Variants in MYO1E observed in about 807,000 individuals in gnomAD.
MYO1E encodes myosin IE, also known as unconventional myosin-Ie.
A neutral mutation model predicts 151.1 loss-of-function variants in MYO1E; 68 were observed. The ratio of observed to expected loss-of-function variants is 0.45; its 90% CI spans 0.37 to 0.55. The LOEUF is 0.55. MYO1E is among the 20% of genes least tolerant of loss of function. MYO1E has a pLI of 0.00. For missense variants in MYO1E, 1,363 were observed against 1,389.3 expected (o/e 0.98, Z 0.30); for synonymous variants, 601 against 501.7 (o/e 1.20, Z -2.64).
intron 16 of MYO1E, among the ~76,000 whole-genome samples, chr15:59,199,840 T>C (rs1330146095): frequency 1.3e-5 from 2 of 152,200 alleles, no homozygotes; most frequent in African/African-American, 4.8e-5. Context: ...ACTGTAGATA[T>C]GGAACGTATC....
chr15:59,153,637 C>A lies in MYO1E; in HGVS notation c.3033G>T (p.Thr1011=). 1 of 1,614,134 alleles carries A rather than the reference C, an allele frequency of 6.2e-7. No individual in the cohort carries two copies. Among genetic ancestry groups the A allele is most frequent in the Non-Finnish European group, 8.5e-7 (1 of 1,180,020 alleles). ...QSTSSDRVSQ[T]PESLDFLKVP... is the part of the protein sequence containing the mutation. The stretch of plus-strand genomic sequence containing the variant: ...CCTTGAGGAAATCCAGGCTCTCTGG[C>A]GTCTGTGACACTCGGTCTGAACTGG... The change falls in exon 26 of 28, where the codon ACG becomes ACT. Residue 1011 remains threonine, a synonymous_variant. Coordinates refer to ENST00000288235, the MANE Select transcript of MYO1E (RefSeq NM_004998.4).
chr15:59,268,901 T>C (rs2080273899), intron 2 of MYO1E, among the ~76,000 whole-genome samples: 1 of 151,766 alleles, frequency 6.6e-6, no homozygotes, highest in Non-Finnish European at 1.5e-5. Flanking sequence ...CCTGGAGTTA[T>C]GAAGGACTGA....
At position 59,372,502 on chromosome 15, in the gene MYO1E, G is replaced by A. The variant is rs573448797; in HGVS notation, c.-2C>T. On this transcript the variant is annotated 5_prime_UTR_variant, in exon 1 of 28. Transcript: ENST00000288235. ...GACGCGGCGCGGCCAACTCACCATG[G>A]TGACTCGCGCCGCGGTCGCGTCTTC... 3.9e-6 allele frequency: 6 copies of A among 1,537,748 alleles called. No individual in the cohort carries two copies. The highest frequency in any genetic ancestry group is 2.0e-5 in the Admixed American group (1 of 50,844).
At position 59,188,003 on chromosome 15, in the gene MYO1E, CTG is replaced by C. The variant is rs567920580; in HGVS notation, c.1904+113_1904+114del. On this transcript the variant is annotated intron_variant, in intron 18 of 27. Transcript: ENST00000288235. Reference sequence around the variant, plus strand: ...TAACGGTGGTGATAGTTGCACAACTCTGTGAATACGTTAAAAGCCATTGACTC... The same window carrying C: ...TAACGGTGGTGATAGTTGCACAACTCTGAATACGTTAAAAGCCATTGACTC... 4.9e-4 allele frequency: 398 copies of C among 816,806 alleles called. 6 individuals carry two copies. In the South Asian group the frequency reaches 5.0e-3, roughly 10 times the overall value. The allele number at this position is 816,806 out of a possible 1,614,324, so 50.6% of individuals were successfully genotyped here. A position where few individuals can be genotyped will look rare whatever the true frequency, so the allele number is the denominator to read the frequency against.
Position 59,310,643 on chromosome 15 carries a change from G to A in MYO1E, c.4-38194C>T, listed in dbSNP as rs114416743. On this transcript the variant is annotated intron_variant, in intron 1 of 27. Transcript: ENST00000288235. ...ATGCTGATTTTGAATCCTAGCCTTC[G>A]GAATTGTGAGAACACATTTCTGTTG... Among the ~76,000 whole-genome samples, 379 of 152,094 alleles carry A rather than the reference G, an allele frequency of 2.5e-3. 1 individual carries two copies. The highest frequency in any genetic ancestry group is 8.2e-3 in the African/African-American group (342 of 41,498).
At position 59,153,800 on chromosome 15, in the gene MYO1E, A is replaced by G; in HGVS notation, c.2879-9T>C. ...TCCGTTCTGATGGTATCCTAGAGAGAGGAACAGAGAAGGAAATAAGGCTCA... is the reference window on the plus strand; with the variant it reads ...TCCGTTCTGATGGTATCCTAGAGAGGGGAACAGAGAAGGAAATAAGGCTCA... On this transcript the variant is annotated splice_polypyrimidine_tract_variant and intron_variant, in intron 25 of 27. Coordinates refer to ENST00000288235, the MANE Select transcript of MYO1E (RefSeq NM_004998.4). The G allele has an allele frequency of 2.5e-6, 4 of 1,609,716 alleles. No homozygotes were observed. The highest frequency in any genetic ancestry group is 3.4e-6 in the Non-Finnish European group (4 of 1,176,026).
chr15:59,199,883 G>A (rs1231542632), intron 16 of MYO1E, among the ~76,000 whole-genome samples: 1 of 152,196 alleles, frequency 6.6e-6, no homozygotes, highest in Non-Finnish European at 1.5e-5. Flanking sequence ...ATCTGTAAGA[G>A]GTACTGGGAG....
chr15:59,201,389 T>C (rs1224369907), intron 16 of MYO1E, among the ~76,000 whole-genome samples: 1 of 148,374 alleles, frequency 6.7e-6, no homozygotes, highest in Non-Finnish European at 1.5e-5. Context: ...CCACTACATC[T>C]GGCTGACACA....
At chr15:59,198,950 C>T (rs2079784747) in intron 16 of MYO1E, among the ~76,000 whole-genome samples, 1 of 152,154 alleles carries the variant, frequency 6.6e-6, no homozygotes, top group African/African-American at 2.4e-5. Flanking sequence ...AGCCAGTCTG[C>T]CTTTGCCACC....
chr15:59,326,094 C>A (rs1271277558), intron 1 of MYO1E, among the ~76,000 whole-genome samples: 3 of 152,034 alleles, frequency 2.0e-5, no homozygotes, highest in African/African-American at 7.3e-5. Context: ...AGGTTCAGTT[C>A]CTCTTCCATT....
intron 1 of MYO1E, among the ~76,000 whole-genome samples, chr15:59,283,482 T>C (rs965312131): frequency 6.6e-6 from 1 of 152,198 alleles, no homozygotes; most frequent in Admixed American, 6.5e-5. Context: ...CCTGGCTCCC[T>C]GATTAAACTG....
chr15:59,236,268 G>A (rs2080062716), intron 5 of MYO1E, among the ~76,000 whole-genome samples: 3 of 151,436 alleles, frequency 2.0e-5, no homozygotes, highest in Admixed American at 6.6e-5. Context: ...TCTTGAACCC[G>A]GGAGGCAGAG....
chr15:59,273,123 G>A lies in MYO1E; in HGVS notation c.4-674C>T, dbSNP rs1210639018. The stretch of plus-strand genomic sequence containing the variant: ...GATGTGGACAGGACAGACGAAACGA[G>A]ATCACGGAACATGCCCAGGAGGGGA... On this transcript the variant is annotated intron_variant, in intron 1 of 27. Transcript: ENST00000288235. Among the ~76,000 whole-genome samples, 2 of 152,216 alleles carry A rather than the reference G, an allele frequency of 1.3e-5. 1 individual carries two copies. The highest frequency in any genetic ancestry group is 1.3e-4 in the Admixed American group (2 of 15,286).
chr15:59,138,101 G>A, intron 27 of MYO1E, 97 bp downstream of exon 27: 3 of 1,455,556 alleles, frequency 2.1e-6, no homozygotes, highest in Non-Finnish European at 2.9e-6. Context: ...GCAGTTTGAG[G>A]AGCCCATAAA....
At chr15:59,148,705 G>A (rs1257141024) in intron 26 of MYO1E, among the ~76,000 whole-genome samples, 1 of 152,166 alleles carries the variant, frequency 6.6e-6, no homozygotes, top group Non-Finnish European at 1.5e-5. Flanking sequence ...TCCATTGGGA[G>A]GATCTTGACA....
At chr15:59,353,283 G>T (rs1245217348) in intron 1 of MYO1E, among the ~76,000 whole-genome samples, 1 of 144,456 alleles carries the variant, frequency 6.9e-6, no homozygotes, top group Non-Finnish European at 1.5e-5. Flanking sequence ...CTTGACCCCA[G>T]GAGTTTAAGG....
At chr15:59,369,268 C>T (rs1357054684) in intron 1 of MYO1E, among the ~76,000 whole-genome samples, 1 of 152,142 alleles carries the variant, frequency 6.6e-6, no homozygotes, top group South Asian at 2.1e-4. Flanking sequence ...CTATAATTTC[C>T]TCACAAGTAT....
intron 2 of MYO1E, among the ~76,000 whole-genome samples, chr15:59,262,122 G>A (rs1228342499): frequency 6.6e-6 from 1 of 151,968 alleles, no homozygotes; most frequent in African/African-American, 2.4e-5. Context: ...CAGGAGAATC[G>A]TCTGAACCCA....
At chr15:59,282,937 GGGGAGGGGGAGGGGGGA>G (rs2080364196) in intron 1 of MYO1E, among the ~76,000 whole-genome samples, 3 of 1,874 alleles carry the variant, frequency 1.6e-3, no homozygotes, top group African/African-American at 3.8e-3. Flanking sequence ...GGAGGGGGAG[GGGGAGGGGGAGGGGGGA>G]GAGGGGAGGG....
Sources: allele counts gnomAD v4.1 joint callset (sites outside exome capture counted in the v4.1 genomes callset), GRCh38; gene constraint gnomAD v4.1.1; transcripts MANE v1.5; gene names NCBI Gene and HGNC (gene_info 2026-07-23, HGNC 2026-07-21).